Variants in ZBTB20 observed in about 807,000 individuals in gnomAD.
The protein encoded by ZBTB20 is zinc finger and BTB domain-containing protein 20.
In ZBTB20, 9 loss-of-function variants were observed where a neutral mutation model predicts 56.9. The ratio of observed to expected loss-of-function variants is 0.16; its 90% CI spans 0.10 to 0.28. The LOEUF (loss-of-function observed/expected upper bound fraction) is 0.28. ZBTB20 is among the 10% of genes least tolerant of loss of function. ZBTB20 has a pLI of 1.00. For synonymous variants in ZBTB20, 417 were observed against 420.7 expected (o/e 0.99, Z 0.11); for missense variants, 655 against 1,003.0 (o/e 0.65, Z 4.69).
chr3:115,094,125 G>C (rs537384947), intron 1 of ZBTB20, among the ~76,000 whole-genome samples: 31 of 151,932 alleles, frequency 2.0e-4, no homozygotes, highest in Non-Finnish European at 2.9e-5. Flanking sequence ...ATGAGGTGAG[G>C]GGATAAAGAT....
rs897118580 is a variant in ZBTB20, at chr3:114,805,081, T to C, written c.-416-3907A>G. Among the ~76,000 whole-genome samples, 3 of 152,042 alleles carry C rather than the reference T, an allele frequency of 2.0e-5. No individual in the cohort carries two copies. In the South Asian group the frequency reaches 6.2e-4, roughly 32 times the overall value. On this transcript the variant is annotated intron_variant, in intron 4 of 11. Coordinates refer to ENST00000675478, the MANE Select transcript of ZBTB20 (RefSeq NM_001348800.3). Reference sequence around the variant, plus strand: ...GTATTTTGGAACAATTTTAGAATTATGGAAAAGTTGCAATGATAGTACAGA... The same window carrying C: ...GTATTTTGGAACAATTTTAGAATTACGGAAAAGTTGCAATGATAGTACAGA...
chr3:114,807,797 T>C (rs1378575455), intron 4 of ZBTB20, among the ~76,000 whole-genome samples: 1 of 152,140 alleles, frequency 6.6e-6, no homozygotes, highest in African/African-American at 2.4e-5. Flanking sequence ...ATTGCATTAA[T>C]TAATTATTGG....
intron 6 of ZBTB20, among the ~76,000 whole-genome samples, chr3:114,533,326 C>G (rs566019980): frequency 1.3e-5 from 2 of 151,562 alleles, no homozygotes; most frequent in Admixed American, 1.3e-4. Context: ...AAACATAGCA[C>G]GAGAAGTTCA....
chr3:114,465,506 A>C (rs2092508213), intron 7 of ZBTB20, among the ~76,000 whole-genome samples: 1 of 152,168 alleles, frequency 6.6e-6, no homozygotes, highest in Admixed American at 6.5e-5. Flanking sequence ...CAGGAATTCA[A>C]GACCAGCCTG....
At chr3:114,499,502 G>C (rs2043684948) in intron 7 of ZBTB20, among the ~76,000 whole-genome samples, 1 of 152,202 alleles carries the variant, frequency 6.6e-6, no homozygotes, top group African/African-American at 2.4e-5. Context: ...GCTCACCAGA[G>C]AGTGAGAAGC....
At chr3:114,923,220 A>G (rs1310272141) in intron 3 of ZBTB20, among the ~76,000 whole-genome samples, 1 of 152,196 alleles carries the variant, frequency 6.6e-6, no homozygotes, top group Non-Finnish European at 1.5e-5. Context: ...AATAGACAAA[A>G]CAATCCTGAA....
chr3:115,001,440 G>A (rs557640704), intron 2 of ZBTB20, among the ~76,000 whole-genome samples: 3 of 151,270 alleles, frequency 2.0e-5, no homozygotes, highest in African/African-American at 7.2e-5. Flanking sequence ...ATTTAAAATG[G>A]GGAGCTTTTT....
chr3:114,749,818 A>G (rs2067425182), intron 5 of ZBTB20, among the ~76,000 whole-genome samples: 1 of 152,208 alleles, frequency 6.6e-6, no homozygotes, highest in African/African-American at 2.4e-5. Flanking sequence ...CTTACCTATT[A>G]AATGAAGATA....
At chr3:114,771,675 C>A (rs1335885401) in intron 5 of ZBTB20, among the ~76,000 whole-genome samples, 1 of 152,142 alleles carries the variant, frequency 6.6e-6, no homozygotes, top group Non-Finnish European at 1.5e-5. Context: ...ACCCTTCCAT[C>A]CCAAATACCA....
chr3:114,386,894 A>T (rs558262195), intron 8 of ZBTB20, among the ~76,000 whole-genome samples: 1 of 152,286 alleles, frequency 6.6e-6, no homozygotes, highest in Non-Finnish European at 1.5e-5. Context: ...CCATGTACCT[A>T]TTATGTCGAA....
intron 3 of ZBTB20, among the ~76,000 whole-genome samples, chr3:114,963,911 A>T (rs768338930): frequency 6.6e-6 from 1 of 152,180 alleles, no homozygotes; most frequent in Non-Finnish European, 1.5e-5. Flanking sequence ...TTTAGTAAAC[A>T]AATTTTTAAA....
At chr3:114,543,692 C>G (rs1455282008) in intron 6 of ZBTB20, among the ~76,000 whole-genome samples, 2 of 152,124 alleles carry the variant, frequency 1.3e-5, no homozygotes, top group Non-Finnish European at 2.9e-5. Flanking sequence ...AGTTTCTTAA[C>G]AACATTGGCA....
intron 10 of ZBTB20, among the ~76,000 whole-genome samples, chr3:114,360,333 T>C (rs1181630391): frequency 7.5e-6 from 1 of 132,980 alleles, no homozygotes; most frequent in African/African-American, 2.8e-5. Flanking sequence ...AGGAGGGGAA[T>C]GCAAGATTTT....
chr3:114,793,200 A>C (rs1018106506), intron 5 of ZBTB20, among the ~76,000 whole-genome samples: 1 of 151,972 alleles, frequency 6.6e-6, no homozygotes, highest in Non-Finnish European at 1.5e-5. Context: ...GCATTTTGAT[A>C]GCAGCAATAA....
At chr3:115,074,409 G>C (rs1209715948) in intron 1 of ZBTB20, among the ~76,000 whole-genome samples, 2 of 152,116 alleles carry the variant, frequency 1.3e-5, no homozygotes, top group Admixed American at 6.6e-5. Flanking sequence ...AGTTTAGTAA[G>C]GAAGCAGGTA....
intron 7 of ZBTB20, among the ~76,000 whole-genome samples, chr3:114,426,038 T>A (rs2089624039): frequency 6.6e-6 from 1 of 152,112 alleles, no homozygotes; most frequent in Admixed American, 6.5e-5. Context: ...ACCTAGGATA[T>A]GAAAATTGCC....
intron 4 of ZBTB20, among the ~76,000 whole-genome samples, chr3:114,894,666 G>A (rs974484253): frequency 2.6e-5 from 4 of 152,146 alleles, no homozygotes; most frequent in Admixed American, 2.0e-4. Flanking sequence ...GAAGACATAT[G>A]GAGAGACATA....
chr3:114,365,573 C>A (rs1007232866), intron 10 of ZBTB20, among the ~76,000 whole-genome samples: 1 of 152,102 alleles, frequency 6.6e-6, no homozygotes, highest in Admixed American at 6.6e-5. Flanking sequence ...ATTCCCTAGA[C>A]AAAGATTAGA....
chr3:114,556,569 A>T (rs1480311923), intron 6 of ZBTB20, among the ~76,000 whole-genome samples: 2 of 152,100 alleles, frequency 1.3e-5, no homozygotes, highest in Non-Finnish European at 2.9e-5. Flanking sequence ...GAAATATTTT[A>T]CTCACAGTGA....
Sources: allele counts gnomAD v4.1 joint callset (sites outside exome capture counted in the v4.1 genomes callset), GRCh38; gene constraint gnomAD v4.1.1; transcripts MANE v1.5; gene names NCBI Gene and HGNC (gene_info 2026-07-23, HGNC 2026-07-21).